Variants in PDE3B observed in about 807,000 individuals in gnomAD.
PDE3B encodes cGMP-inhibited 3',5'-cyclic phosphodiesterase 3B.
PDE3B carries 66 observed loss-of-function variants against 116.8 expected under a neutral mutation model. The observed-to-expected ratio is 0.56, with a 90% CI of 0.46 to 0.69. The LOEUF is 0.69. Among genes scored for constraint, PDE3B ranks in the 30% least tolerant of loss-of-function variants. The pLI, the probability that PDE3B is intolerant of heterozygous loss-of-function variation, is 0.00. For synonymous variants in PDE3B, 595 were observed against 533.6 expected, an observed-to-expected ratio of 1.12 and a Z score of -1.59; for missense variants, 1,384 against 1,368.1, an observed-to-expected ratio of 1.01 and a Z score of -0.18.
At chr11:14,885,918 C>A in the PDE3B span, 1 of 1,613,040 alleles carries the variant, frequency 6.2e-7, no homozygotes, top group East Asian at 2.2e-5. Context: ...AACTGAAGAT[C>A]TTTGAGAAGA....
intron 1 of PDE3B, among the ~76,000 whole-genome samples, chr11:14,692,933 C>T (rs1339434109): frequency 2.6e-5 from 4 of 152,150 alleles, no homozygotes; most frequent in African/African-American, 7.2e-5. Flanking sequence ...TGCTAGGCTT[C>T]TTGAGCCAAA....
intron 1 of PDE3B, among the ~76,000 whole-genome samples, chr11:14,684,380 A>G (rs956021170): frequency 6.6e-6 from 1 of 152,080 alleles, no homozygotes; most frequent in African/African-American, 2.4e-5. Context: ...TCAAAAGGAG[A>G]GGGGGTACAA....
At chr11:14,876,932 A>AT (rs1555009821), downstream of PDE3B, among the ~76,000 whole-genome samples, 6 of 152,260 alleles carry the variant, frequency 3.9e-5, no homozygotes, top group South Asian at 1.0e-3. Context: ...AAACATCTGA[A>AT]TATATCCAAG....
intron 12 of PDE3B, among the ~76,000 whole-genome samples, chr11:14,848,633 C>T (rs1847668020): frequency 1.3e-5 from 2 of 152,200 alleles, no homozygotes; most frequent in Non-Finnish European, 2.9e-5. Context: ...TAAGCAACTT[C>T]AGCAAAGTCT....
chr11:14,658,187 G>T (rs957639502), intron 1 of PDE3B, among the ~76,000 whole-genome samples: 3 of 152,072 alleles, frequency 2.0e-5, no homozygotes, highest in Non-Finnish European at 4.4e-5. Context: ...CCTTCTAGGG[G>T]ATAAATAAGT....
intron 12 of PDE3B, among the ~76,000 whole-genome samples, chr11:14,845,169 T>C (rs1442360073): frequency 3.3e-5 from 5 of 151,762 alleles, no homozygotes. Flanking sequence ...GACAGCAGCG[T>C]TCACGGTTCA....
At chr11:14,783,211 A>T (rs182122541) in intron 2 of PDE3B, among the ~76,000 whole-genome samples, 2 of 152,328 alleles carry the variant, frequency 1.3e-5, no homozygotes, top group Non-Finnish European at 2.9e-5. Flanking sequence ...TGATTGCTGA[A>T]GGATCTGGAA....
Position 14,690,268 on chromosome 11 carries a change from A to G in PDE3B, c.978+45215A>G, listed in dbSNP as rs903312029. Among the ~76,000 whole-genome samples, 6 of 152,322 alleles carry G rather than the reference A, an allele frequency of 3.9e-5. No homozygotes were observed. The East Asian group carries it at 1.2e-3, about 29-fold the overall frequency. On this transcript the variant is annotated intron_variant, in intron 1 of 15. Transcript: ENST00000282096. ...ATGGTTTATAAATGAAAGAAAATAT[A>G]TGAGTTTCTCTAAATTTGACAATAC... is the stretch of plus-strand genomic sequence containing the variant.
At chr11:14,834,566 G>C (rs1285644091) in intron 10 of PDE3B, among the ~76,000 whole-genome samples, 4 of 152,210 alleles carry the variant, frequency 2.6e-5, no homozygotes, top group African/African-American at 9.6e-5. Flanking sequence ...GCAAGCCTGA[G>C]ACATAGTATT....
At chr11:14,869,204 G>A (rs889374177) in intron 15 of PDE3B, among the ~76,000 whole-genome samples, 13 of 151,792 alleles carry the variant, frequency 8.6e-5, no homozygotes, top group Non-Finnish European at 1.5e-4. Context: ...GTTTTTATCC[G>A]TAACAATACC....
At chr11:14,767,905 T>A (rs77916128) in intron 1 of PDE3B, among the ~76,000 whole-genome samples, 2,869 of 151,242 alleles carry the variant, frequency 0.019, 91 homozygotes, top group African/African-American at 0.066. Context: ...ATATATATAT[T>A]TTTTTCGTGT....
At position 14,843,865 on chromosome 11, in the gene PDE3B, A is replaced by G; in HGVS notation, c.2359A>G (p.Ile787Val). ...GRINHGRIAY[I>V]SSKSCSNPDE... ...AATTAACCATGGGCGAATTGCTTAT[A>G]TTTCTTCGAAGAGCTGCTCTAATCC... The change falls in exon 12 of 16, where the codon ATT becomes GTT. Residue 787 changes from isoleucine to valine, a missense_variant. Physicochemically the swap from Ile to Val is conservative, Grantham distance 29. Around this residue, in one of 2 missense-constraint regions of PDE3B, gnomAD observed 428 missense variants for 561.4 expected, o/e 0.76. Transcript: ENST00000282096. The G allele has an allele frequency of 6.2e-7, 1 of 1,614,092 alleles. No individual in the cohort carries two copies. The highest frequency in any genetic ancestry group is 8.5e-7 in the Non-Finnish European group (1 of 1,179,990).
intron 1 of PDE3B, among the ~76,000 whole-genome samples, chr11:14,692,800 T>A (rs1741193692): frequency 6.6e-6 from 1 of 152,118 alleles, no homozygotes; most frequent in South Asian, 2.1e-4. Context: ...CGATTAATAA[T>A]CCTACAGTGG....
intron 1 of PDE3B, among the ~76,000 whole-genome samples, chr11:14,756,841 G>C (rs886726209): frequency 6.0e-5 from 9 of 150,470 alleles, no homozygotes; most frequent in African/African-American, 2.2e-4. Context: ...TAGGGTGCAT[G>C]TGCACATTGT....
chr11:14,789,169 C>T lies in PDE3B; in HGVS notation c.1342C>T (p.Leu448=). 1.9e-6 allele frequency: 3 copies of T among 1,610,544 alleles called. No homozygotes were observed. The South Asian group carries it at 3.3e-5, about 18-fold the overall frequency. The stretch of plus-strand genomic sequence containing the variant: ...GAGAAGCTCAGGAACTTCAGGATTG[C>T]TACCTGTTGAACAGTCTTCAAGGTG... ...LRRSSGTSGL[L]PVEQSSRWDR... is the part of the protein sequence containing the mutation. Residue 448 remains leucine (L), a synonymous_variant, in exon 4 of 16, where the codon CTA becomes TTA. Coordinates refer to ENST00000282096, the MANE Select transcript of PDE3B (RefSeq NM_000922.4).
intron 1 of PDE3B, among the ~76,000 whole-genome samples, chr11:14,722,868 A>G (rs1261382161): frequency 2.0e-5 from 3 of 152,204 alleles, no homozygotes; most frequent in Non-Finnish European, 2.9e-5. Flanking sequence ...TAACTATGTT[A>G]TGATATTTTT....
intron 14 of PDE3B, among the ~76,000 whole-genome samples, chr11:14,862,014 C>A (rs1472278875): frequency 1.3e-5 from 2 of 152,142 alleles, no homozygotes; most frequent in Non-Finnish European, 2.9e-5. Flanking sequence ...TTTCCCTTAC[C>A]AGCCCAGTGT....
At chr11:14,710,147 T>C (rs1855658976) in intron 1 of PDE3B, among the ~76,000 whole-genome samples, 1 of 152,214 alleles carries the variant, frequency 6.6e-6, no homozygotes. Flanking sequence ...CCTCTGTAAC[T>C]TAATCTTTCT....
At chr11:14,894,632 T>C in the PDE3B span, among the ~76,000 whole-genome samples, 1 of 152,212 alleles carries the variant, frequency 6.6e-6, no homozygotes, top group African/African-American at 2.4e-5. Flanking sequence ...CATTTCTGAC[T>C]GACAGCACTG....
Sources: gnomAD v4.1 joint callset for allele counts (sites outside exome capture counted in the v4.1 genomes callset) on GRCh38, gnomAD v4.1.1 for gene constraint, gnomAD v4.1.1 regional missense constraint, MANE v1.5 for transcripts, NCBI Gene and HGNC (gene_info 2026-07-23, HGNC 2026-07-21) for gene names.